Variants in MDGA2 observed in about 807,000 individuals in gnomAD.
The protein encoded by MDGA2 is MAM domain containing glycosylphosphatidylinositol anchor 2, also known as MAM domain-containing glycosylphosphatidylinositol anchor protein 2.
MDGA2 carries 40 observed loss-of-function variants against 117.8 expected under a neutral mutation model. The ratio of observed to expected loss-of-function variants is 0.34; its 90% CI spans 0.26 to 0.44. MDGA2 has a LOEUF of 0.44. MDGA2 is among the 20% of genes least tolerant of loss of function. The pLI is 1.00. For missense variants in MDGA2, 1,123 were observed against 1,250.6 expected, an observed-to-expected ratio of 0.90 and a Z score of 1.54; for synonymous variants, 452 against 439.0, an observed-to-expected ratio of 1.03 and a Z score of -0.37.
chr14:47,307,282 A>AT (rs1290683612), intron 1 of MDGA2, among the ~76,000 whole-genome samples: 4 of 152,070 alleles, frequency 2.6e-5, no homozygotes, highest in South Asian at 2.1e-4. Context: ...ATTTTTATAT[A>AT]TTTTTTGTGC....
intron 2 of MDGA2, among the ~76,000 whole-genome samples, chr14:47,280,511 A>G (rs527490491): frequency 6.6e-6 from 1 of 152,150 alleles, no homozygotes; most frequent in Admixed American, 6.5e-5. Context: ...GATTAAAAAT[A>G]TGATTTTCTA....
rs969833976 is a variant in MDGA2 at position 47,675,596 on chromosome 14, G to C, written c.-800C>G. ...AGTCCAGGCACCGCCACTTGCAAGA[G>C]AGGGAGAATGCCAGGCAAATACCCG... is the stretch of plus-strand genomic sequence containing the variant. On this transcript the variant is annotated 5_prime_UTR_variant, in exon 1 of 17. Transcript: ENST00000399232. 6.6e-6 allele frequency among the ~76,000 whole-genome samples: 1 copy of C among 152,182 alleles called. No homozygotes were observed. Among genetic ancestry groups the C allele is most frequent in the African/African-American group, 2.4e-5 (1 of 41,450 alleles).
At chr14:47,056,152 G>C (rs1889668044) in intron 7 of MDGA2, among the ~76,000 whole-genome samples, 1 of 152,020 alleles carries the variant, frequency 6.6e-6, no homozygotes, top group Non-Finnish European at 1.5e-5. Context: ...AGAATTTCAT[G>C]AGTTTCTATT....
At chr14:46,889,433 T>C (rs141800981) in intron 10 of MDGA2, among the ~76,000 whole-genome samples, 31 of 152,258 alleles carry the variant, frequency 2.0e-4, no homozygotes, top group Middle Eastern at 6.8e-3. Context: ...TTTTTCTTAA[T>C]TGAATTATGT....
chr14:47,173,283 C>T (rs977894398), intron 3 of MDGA2, among the ~76,000 whole-genome samples: 50 of 152,202 alleles, frequency 3.3e-4, no homozygotes, highest in Admixed American at 1.9e-3. Flanking sequence ...CGTTCAGATT[C>T]AGGAAATACA....
intron 9 of MDGA2, among the ~76,000 whole-genome samples, chr14:46,948,338 T>C (rs61992768): frequency 0.014 from 2,200 of 152,126 alleles, 21 homozygotes; most frequent in Non-Finnish European, 0.023. Flanking sequence ...GTACTGTCTA[T>C]GAGAGTAAGG....
chr14:47,367,915 A>G (rs1434186821), intron 1 of MDGA2, among the ~76,000 whole-genome samples: 6 of 152,212 alleles, frequency 3.9e-5, no homozygotes, highest in Non-Finnish European at 5.9e-5. Context: ...GTGTTCTTGA[A>G]GTATAGATTT....
chr14:47,614,095 C>CT (rs768294746), intron 1 of MDGA2, among the ~76,000 whole-genome samples: 2,868 of 101,646 alleles, frequency 0.028, 123 homozygotes, highest in African/African-American at 0.094. Flanking sequence ...TTTCTTTTTT[C>CT]TTTTTTTTTT....
chr14:47,668,311 A>C (rs7154720), intron 1 of MDGA2, among the ~76,000 whole-genome samples: 96,480 of 152,086 alleles, frequency 0.63, 31,257 homozygotes, highest in African/African-American at 0.7. Context: ...GAAATAATTA[A>C]GTACATGCCC....
intron 5 of MDGA2, among the ~76,000 whole-genome samples, chr14:47,131,470 C>A (rs1453564849): frequency 6.6e-6 from 1 of 151,792 alleles, no homozygotes; most frequent in Non-Finnish European, 1.5e-5. Flanking sequence ...TTTTAGAATG[C>A]AATACTTTAA....
intron 1 of MDGA2, among the ~76,000 whole-genome samples, chr14:47,446,118 A>T (rs963727118): frequency 6.6e-6 from 1 of 152,132 alleles, no homozygotes; most frequent in Non-Finnish European, 1.5e-5. Context: ...TCCTTAAAAA[A>T]ATTAAGAACT....
chr14:47,520,031 C>A (rs1894837256), intron 1 of MDGA2, among the ~76,000 whole-genome samples: 2 of 152,162 alleles, frequency 1.3e-5, no homozygotes, highest in African/African-American at 4.8e-5. Context: ...TTTTTAAAGT[C>A]ATTTCTTATT....
At chr14:47,020,371 A>T (rs1888244153) in intron 8 of MDGA2, among the ~76,000 whole-genome samples, 1 of 152,236 alleles carries the variant, frequency 6.6e-6, no homozygotes, top group Non-Finnish European at 1.5e-5. Context: ...ACAATTTGGG[A>T]CCAAACATAT....
intron 1 of MDGA2, among the ~76,000 whole-genome samples, chr14:47,459,900 A>G (rs902075581): frequency 1.3e-5 from 2 of 152,162 alleles, no homozygotes; most frequent in African/African-American, 4.8e-5. Context: ...GAAGAATAGA[A>G]TTAAATTTTT....
At chr14:47,079,801 G>A (rs926280782) in intron 6 of MDGA2, among the ~76,000 whole-genome samples, 22 of 132,694 alleles carry the variant, frequency 1.7e-4, no homozygotes, top group Admixed American at 7.9e-4. Flanking sequence ...GCGCAATCTC[G>A]GCTCCCTGCA....
intron 3 of MDGA2, among the ~76,000 whole-genome samples, chr14:47,158,395 T>TGTTC (rs972586889): frequency 3.3e-5 from 5 of 151,834 alleles, no homozygotes; most frequent in African/African-American, 1.2e-4. Context: ...TGTGTGTGTG[T>TGTTC]GTGTTCATGT....
chr14:47,541,665 T>A (rs991449620), intron 1 of MDGA2, among the ~76,000 whole-genome samples: 2 of 152,194 alleles, frequency 1.3e-5, no homozygotes, highest in African/African-American at 4.8e-5. Flanking sequence ...GAGGGGACAG[T>A]TGAATTATAG....
chr14:47,553,405 C>T (rs937042874), intron 1 of MDGA2, among the ~76,000 whole-genome samples: 29 of 152,260 alleles, frequency 1.9e-4, no homozygotes, highest in African/African-American at 6.0e-4. Context: ...AGGCATTCAA[C>T]AATTTCTATT....
At chr14:47,488,784 ACT>A (rs753384109) in intron 1 of MDGA2, among the ~76,000 whole-genome samples, 3 of 151,968 alleles carry the variant, frequency 2.0e-5, no homozygotes, top group African/African-American at 4.8e-5. Context: ...AATTCATAAC[ACT>A]CTGCACAACA....
Sources: gnomAD v4.1 joint callset for allele counts (sites outside exome capture counted in the v4.1 genomes callset) on GRCh38, gnomAD v4.1.1 for gene constraint, MANE v1.5 for transcripts, NCBI Gene and HGNC (gene_info 2026-07-23, HGNC 2026-07-21) for gene names.